Variants in NAALADL2 observed in about 807,000 individuals in gnomAD.
NAALADL2 encodes N-acetylated alpha-linked acidic dipeptidase like 2.
In NAALADL2, 76 loss-of-function variants were observed where a neutral mutation model predicts 87.2. The observed-to-expected ratio is 0.87, with a 90% CI of 0.72 to 1.05. The LOEUF (loss-of-function observed/expected upper bound fraction) is 1.05. NAALADL2 is among the 50% of genes least tolerant of loss of function. The probability of loss-of-function intolerance (pLI) is 0.00; values close to 1 mark genes in which losing one functional copy is unlikely to be tolerated. For synonymous variants in NAALADL2, 354 were observed against 331.0 expected, an observed-to-expected ratio of 1.07 and a Z score of -0.75; for missense variants, 1,089 against 945.8, an observed-to-expected ratio of 1.15 and a Z score of -1.99.
chr3:175,097,885 A>T (rs1478081879), intron 2 of NAALADL2, among the ~76,000 whole-genome samples: 1 of 152,210 alleles, frequency 6.6e-6, no homozygotes, highest in Non-Finnish European at 1.5e-5. Context: ...GAATAAGAAT[A>T]GTCCTAGGTG....
intron 11 of NAALADL2, among the ~76,000 whole-genome samples, chr3:175,665,127 C>T (rs756374301): frequency 1.3e-5 from 2 of 152,174 alleles, no homozygotes; most frequent in African/African-American, 2.4e-5. Context: ...AACAGTCTAG[C>T]TCATCCATCA....
chr3:175,423,028 A>AAAAAAAAAAAATATAT (rs1438736874), intron 5 of NAALADL2, among the ~76,000 whole-genome samples: 1 of 111,320 alleles, frequency 9.0e-6, no homozygotes, highest in Non-Finnish European at 1.7e-5. Context: ...GAAAAAAAAA[A>AAAAAAAAAAAATATAT]ATATATATAT....
intron 9 of NAALADL2, among the ~76,000 whole-genome samples, chr3:175,480,353 T>G (rs889130810): frequency 8.6e-5 from 13 of 151,802 alleles, no homozygotes; most frequent in Non-Finnish European, 1.8e-4. Context: ...GTTGTAGACA[T>G]ATATCAATGG....
chr3:174,820,113 G>A (rs1056830293), intron 3 of NAALADL2, among the ~76,000 whole-genome samples: 1 of 152,066 alleles, frequency 6.6e-6, no homozygotes, highest in Non-Finnish European at 1.5e-5. Context: ...TACTCAGTTT[G>A]ATAAGTAGGA....
At chr3:175,075,712 G>T (rs932752416) in intron 1 of NAALADL2, among the ~76,000 whole-genome samples, 1 of 151,964 alleles carries the variant, frequency 6.6e-6, no homozygotes, top group Non-Finnish European at 1.5e-5. Context: ...GAAACCTGAG[G>T]GACGAAAGTT....
intron 2 of NAALADL2, among the ~76,000 whole-genome samples, chr3:175,206,922 T>G (rs976434359): frequency 2.6e-5 from 4 of 152,002 alleles, no homozygotes; most frequent in Non-Finnish European, 4.4e-5. Context: ...TCATGATTAT[T>G]GAGAGGACAA....
chr3:175,128,793 A>C (rs1326540294), intron 2 of NAALADL2, among the ~76,000 whole-genome samples: 1 of 151,992 alleles, frequency 6.6e-6, no homozygotes, highest in Non-Finnish European at 1.5e-5. Flanking sequence ...ATCAAATCCA[A>C]TATTTTTACT....
chr3:174,441,096 G>A (rs1430112958), intron 1 of NAALADL2: 2 of 152,188 alleles, frequency 1.3e-5, no homozygotes, highest in African/African-American at 2.4e-5. Flanking sequence ...GAGGCGGCGC[G>A]GCCTCGGCCG....
At position 175,465,473 on chromosome 3, in the gene NAALADL2, C is replaced by CTTTT. The variant is rs71164634; in HGVS notation, c.1328-1490_1328-1487dup. Among the ~76,000 whole-genome samples the CTTTT allele has an allele frequency of 6.8e-3, 722 of 106,728 alleles. 27 individuals carry two copies. The highest frequency in any genetic ancestry group is 0.026 in the African/African-American group (693 of 26,444). 70.0% of individuals were successfully genotyped at this position (106,728 alleles called of 152,430 possible). A position where few individuals can be genotyped will look rare whatever the true frequency, so the allele number is the denominator to read the frequency against. ...ACACTATGTATACCATGAATTAAAT[C>CTTTT]TTTTTTTTTTTTTTTTTTTGAGATG... On this transcript the variant is annotated intron_variant, in intron 7 of 13. Transcript: ENST00000454872.
intron 1 of NAALADL2, among the ~76,000 whole-genome samples, chr3:174,468,785 G>C (rs550244850): frequency 1.4e-5 from 2 of 139,334 alleles, no homozygotes; most frequent in Non-Finnish European, 3.1e-5. Flanking sequence ...TTTTTGAGAC[G>C]GAGTCTCACT....
In NAALADL2 at chr3:174,978,182, T is replaced by C. The variant is rs528925306; in HGVS notation, c.44-118608T>C. Among the ~76,000 whole-genome samples the C allele has an allele frequency of 3.9e-5, 6 of 152,338 alleles. 1 individual carries two copies. The South Asian group carries it at 1.2e-3, about 32-fold the overall frequency. On this transcript the variant is annotated intron_variant, in intron 1 of 13. Coordinates refer to ENST00000454872, the MANE Select transcript of NAALADL2 (RefSeq NM_207015.3). The stretch of plus-strand genomic sequence containing the variant: ...GCTCTTAAGTCTGGGCTCTTAGCAC[T>C]ATGCCAACCTAGGCCTTACTATCAA...
chr3:175,246,436 C>T (rs541195932), intron 3 of NAALADL2, among the ~76,000 whole-genome samples: 5 of 152,172 alleles, frequency 3.3e-5, no homozygotes, highest in South Asian at 2.1e-4. Flanking sequence ...TCTTAGAGAA[C>T]GAGAAAGGCT....
intron 1 of NAALADL2, among the ~76,000 whole-genome samples, chr3:174,890,616 G>A (rs1005560650): frequency 6.6e-6 from 1 of 152,114 alleles, no homozygotes; most frequent in African/African-American, 2.4e-5. Context: ...ATTACAAATT[G>A]CCCAGTGTGG....
chr3:174,735,540 GTAT>G (rs1378355657), intron 2 of NAALADL2, among the ~76,000 whole-genome samples: 16 of 151,698 alleles, frequency 1.1e-4, no homozygotes, highest in African/African-American at 3.9e-4. Flanking sequence ...TTCCAGTTAC[GTAT>G]TTTCTCCTTC....
At chr3:174,948,631 C>T (rs758192412) in intron 1 of NAALADL2, among the ~76,000 whole-genome samples, 30 of 152,070 alleles carry the variant, frequency 2.0e-4, no homozygotes, top group Admixed American at 1.2e-3. Context: ...TTCTATGGGA[C>T]AGGAATTTGG....
chr3:175,377,771 G>A (rs1368789189), intron 5 of NAALADL2, among the ~76,000 whole-genome samples: 3 of 152,188 alleles, frequency 2.0e-5, no homozygotes, highest in Non-Finnish European at 4.4e-5. Context: ...CAGAGACTAT[G>A]TCTGGACATT....
At chr3:175,483,279 G>A (rs915586795) in intron 9 of NAALADL2, among the ~76,000 whole-genome samples, 2 of 149,766 alleles carry the variant, frequency 1.3e-5, no homozygotes, top group Admixed American at 6.7e-5. Flanking sequence ...AGTAAGCTAT[G>A]TGCCAGGCAT....
intron 1 of NAALADL2, among the ~76,000 whole-genome samples, chr3:174,961,248 C>T (rs975208966): frequency 2.0e-5 from 3 of 151,080 alleles, no homozygotes; most frequent in Non-Finnish European, 2.9e-5. Flanking sequence ...CCTTCCAAAG[C>T]GCACTGGGAT....
chr3:175,078,697 T>C (rs1453530829), intron 1 of NAALADL2, among the ~76,000 whole-genome samples: 1 of 152,182 alleles, frequency 6.6e-6, no homozygotes, highest in Non-Finnish European at 1.5e-5. Context: ...ACGTGGTCTT[T>C]TGTGACTGAC....
Sources: gnomAD v4.1 joint callset for allele counts (sites outside exome capture counted in the v4.1 genomes callset) on GRCh38, gnomAD v4.1.1 for gene constraint, MANE v1.5 for transcripts, NCBI Gene and HGNC (gene_info 2026-07-23, HGNC 2026-07-21) for gene names.